NSUN6: variants seen among roughly 807,000 people sequenced by gnomAD.
NSUN6 encodes the protein NOP2/Sun RNA methyltransferase 6.
A neutral mutation model predicts 58.0 loss-of-function variants in NSUN6; 64 were observed. The observed-to-expected ratio is 1.10, with a 90% CI of 0.90 to 1.36. The LOEUF is 1.36. Ranked by LOEUF, NSUN6 falls within the 40% of genes most tolerant of loss-of-function variation. NSUN6 has a pLI of 0.00. For synonymous variants in NSUN6, 231 were observed against 193.9 expected, an observed-to-expected ratio of 1.19 and a Z score of -1.59; for missense variants, 701 against 550.1, an observed-to-expected ratio of 1.27 and a Z score of -2.74.
At chr10:18,626,528 G>A (rs966019921) in intron 3 of NSUN6, among the ~76,000 whole-genome samples, 2 of 152,224 alleles carry the variant, frequency 1.3e-5, no homozygotes, top group Non-Finnish European at 2.9e-5. Flanking sequence ...AGCACTTTAG[G>A]AGGCTGAGGC....
chr10:18,610,847 A>T (rs888392469), intron 5 of NSUN6, among the ~76,000 whole-genome samples: 4 of 152,218 alleles, frequency 2.6e-5, no homozygotes, highest in Non-Finnish European at 2.9e-5. Flanking sequence ...GGAGAAATTC[A>T]AAGAGTTCTG....
chr10:18,612,464 T>C (rs2058271904), intron 5 of NSUN6, among the ~76,000 whole-genome samples: 1 of 152,210 alleles, frequency 6.6e-6, no homozygotes, highest in African/African-American at 2.4e-5. Flanking sequence ...CCTGGTACTC[T>C]TACCTTGATC....
chr10:18,557,304 T>C (rs1206923511), intron 8 of NSUN6, among the ~76,000 whole-genome samples: 2 of 149,372 alleles, frequency 1.3e-5, no homozygotes, highest in Non-Finnish European at 3.0e-5. Context: ...TGGAAGAGAA[T>C]CGAATGGCGA....
chr10:18,654,111 A>G (rs1480702787), upstream of NSUN6, among the ~76,000 whole-genome samples: 1 of 152,004 alleles, frequency 6.6e-6, no homozygotes, highest in African/African-American at 2.4e-5. Context: ...TTAGGTGATC[A>G]CTGCCCTCGA....
chr10:18,572,319 CTCCAT>C (rs919754730), intron 8 of NSUN6, among the ~76,000 whole-genome samples: 5 of 151,186 alleles, frequency 3.3e-5, no homozygotes, highest in South Asian at 2.1e-4. Context: ...CCAGTTCAAT[CTCCAT>C]TCCATTCCAT....
At chr10:18,564,590 A>T (rs966644926) in intron 8 of NSUN6, among the ~76,000 whole-genome samples, 1 of 143,528 alleles carries the variant, frequency 7.0e-6, no homozygotes, top group Non-Finnish European at 1.5e-5. Context: ...ATTCCATTTC[A>T]TTCTCCATTC....
intron 8 of NSUN6, among the ~76,000 whole-genome samples, chr10:18,584,794 A>G (rs2057053926): frequency 6.6e-6 from 1 of 152,094 alleles, no homozygotes; most frequent in Admixed American, 6.5e-5. Context: ...GAGAAAAACA[A>G]CTTGCCATGT....
chr10:18,565,927 C>A (rs1216697560), intron 8 of NSUN6, among the ~76,000 whole-genome samples: 1 of 149,184 alleles, frequency 6.7e-6, no homozygotes, highest in Non-Finnish European at 1.5e-5. Context: ...CATTCCATTC[C>A]ATTCTCCCTC....
At chr10:18,610,740 T>G (rs1260173318) in intron 5 of NSUN6, among the ~76,000 whole-genome samples, 2 of 152,144 alleles carry the variant, frequency 1.3e-5, no homozygotes, top group African/African-American at 4.8e-5. Flanking sequence ...CAGAGGCTAC[T>G]GAAGCAGAGA....
chr10:18,600,855 G>A (rs1200961211), intron 6 of NSUN6, among the ~76,000 whole-genome samples: 2 of 147,824 alleles, frequency 1.4e-5, no homozygotes, highest in East Asian at 4.0e-4. Context: ...TCAAAACTGG[G>A]AGGCGAAGGT....
At chr10:18,589,118 A>C (rs2057283430) in intron 7 of NSUN6, among the ~76,000 whole-genome samples, 1 of 152,234 alleles carries the variant, frequency 6.6e-6, no homozygotes, top group African/African-American at 2.4e-5. Flanking sequence ...AACTTCTTGA[A>C]GCATACACAA....
intron 7 of NSUN6, among the ~76,000 whole-genome samples, chr10:18,586,983 C>A (rs112989014): frequency 6.6e-6 from 1 of 152,178 alleles, no homozygotes; most frequent in Non-Finnish European, 1.5e-5. Flanking sequence ...AGTCCCCACT[C>A]GACCCAGGAA....
At chr10:18,560,073 GGAATGGAATGGA>G (rs1003075115) in intron 8 of NSUN6, among the ~76,000 whole-genome samples, 36 of 147,476 alleles carry the variant, frequency 2.4e-4, no homozygotes, top group Non-Finnish European at 4.3e-4. Context: ...AAAATGGAAT[GGAATGGAATGGA>G]GAATGGAATG....
upstream of NSUN6, chr10:18,652,133 C>G: frequency 1.0e-6 from 1 of 985,192 alleles, no homozygotes; most frequent in Non-Finnish European, 1.2e-6. Flanking sequence ...AACCCACAGA[C>G]AGTGTTTACA....
intron 3 of NSUN6, 51 bp downstream of exon 3, chr10:18,642,425 G>T: frequency 1.1e-6 from 1 of 904,302 alleles, no homozygotes; most frequent in Non-Finnish European, 1.8e-6. Flanking sequence ...AGCTCCCTGT[G>T]ACAAACTTTT....
chr10:18,563,253 T>C (rs781624270), intron 8 of NSUN6, among the ~76,000 whole-genome samples: 8 of 141,046 alleles, frequency 5.7e-5, no homozygotes, highest in Non-Finnish European at 7.6e-5. Flanking sequence ...GGCAATGAAA[T>C]GGAGAATGGA....
intron 3 of NSUN6, among the ~76,000 whole-genome samples, chr10:18,636,870 C>A (rs2059233487): frequency 7.0e-6 from 1 of 143,834 alleles, no homozygotes; most frequent in Non-Finnish European, 1.5e-5. Flanking sequence ...GCCTGGGCGA[C>A]AGACCAAGAT....
intron 3 of NSUN6, among the ~76,000 whole-genome samples, chr10:18,630,406 G>A (rs2131472729): frequency 6.6e-6 from 1 of 151,886 alleles, no homozygotes; most frequent in East Asian, 1.9e-4. Flanking sequence ...ACTAAAATCA[G>A]AGCAGAACTG....
intron 3 of NSUN6, among the ~76,000 whole-genome samples, chr10:18,624,260 T>C (rs1357775318): frequency 2.6e-5 from 4 of 151,850 alleles, no homozygotes; most frequent in East Asian, 2.0e-4. Context: ...TATGACTAGA[T>C]AGTATTTTCA....
Sources: allele counts gnomAD v4.1 joint callset (sites outside exome capture counted in the v4.1 genomes callset), GRCh38; gene constraint gnomAD v4.1.1; transcripts MANE v1.5; gene names NCBI Gene and HGNC (gene_info 2026-07-23, HGNC 2026-07-21).